The following SEMA6D variants were observed in gnomAD, a reference collection of about 807,000 sequenced individuals.
SEMA6D encodes the protein semaphorin-6D.
In SEMA6D, 35 loss-of-function variants were observed where a neutral mutation model predicts 106.6. The ratio of observed to expected loss-of-function variants is 0.33; its 90% CI spans 0.25 to 0.44. The LOEUF (loss-of-function observed/expected upper bound fraction) is 0.44, where lower values mean the gene tolerates loss of function less well. SEMA6D is among the 20% of genes least tolerant of loss of function. The pLI, the probability that SEMA6D is intolerant of heterozygous loss-of-function variation, is 1.00. For missense variants in SEMA6D, 1,185 were observed against 1,345.9 expected, an observed-to-expected ratio of 0.88 and a Z score of 1.87; for synonymous variants, 499 against 487.7, an observed-to-expected ratio of 1.02 and a Z score of -0.31.
chr15:47,671,316 C>CATATTGTAAA (rs1194099591), intron 4 of SEMA6D, among the ~76,000 whole-genome samples: 2 of 152,118 alleles, frequency 1.3e-5, no homozygotes, highest in Admixed American at 1.3e-4. Flanking sequence ...AAAATGTGGA[C>CATATTGTAAA]ATATTGTAAA....
At chr15:47,688,798 G>A (rs1334759930) in intron 4 of SEMA6D, among the ~76,000 whole-genome samples, 1 of 152,142 alleles carries the variant, frequency 6.6e-6, no homozygotes, top group Non-Finnish European at 1.5e-5. Flanking sequence ...GAAATCTTTG[G>A]TAAGGTCCCT....
At chr15:47,758,222 T>C (rs981513878) in intron 1 of SEMA6D, among the ~76,000 whole-genome samples, 10 of 152,208 alleles carry the variant, frequency 6.6e-5, no homozygotes, top group African/African-American at 2.2e-4. Context: ...ACTTGTACTT[T>C]AGTTAGACAC....
intron 1 of SEMA6D, among the ~76,000 whole-genome samples, chr15:47,370,683 TAAAAAAA>T (rs376454672): frequency 1.1e-5 from 1 of 95,188 alleles, no homozygotes; most frequent in Admixed American, 1.3e-4. Context: ...CGTCTCTACT[TAAAAAAA>T]AAAAAAAAAA....
chr15:47,609,491 G>A (rs866368811), intron 4 of SEMA6D, among the ~76,000 whole-genome samples: 4 of 152,046 alleles, frequency 2.6e-5, no homozygotes, highest in Non-Finnish European at 5.9e-5. Flanking sequence ...GTACGTATTC[G>A]CTTAAGCTGC....
Position 47,766,098 on chromosome 15 carries a change from T to C in SEMA6D, c.1569-7T>C, listed in dbSNP as rs749610788. The C allele has an allele frequency of 6.2e-7, 1 of 1,613,704 alleles. No homozygotes were observed. Among genetic ancestry groups the C allele is most frequent in the Non-Finnish European group, 8.5e-7 (1 of 1,179,714 alleles). On this transcript the variant is annotated splice_polypyrimidine_tract_variant and splice_region_variant and intron_variant, in intron 14 of 18. Transcript: ENST00000536845. Reference sequence around the variant, plus strand: ...ATCCAAGTTACATTCTGTTTGGTTTTACACAGGTCTTGTATTGCATCTCGT... The same window carrying C: ...ATCCAAGTTACATTCTGTTTGGTTTCACACAGGTCTTGTATTGCATCTCGT...
chr15:47,674,133 C>A (rs978821204), intron 4 of SEMA6D, among the ~76,000 whole-genome samples: 1 of 152,112 alleles, frequency 6.6e-6, no homozygotes, highest in Non-Finnish European at 1.5e-5. Flanking sequence ...AGATCAAGTG[C>A]CCCAGACCCC....
At chr15:47,405,015 G>C (rs764436349) in intron 1 of SEMA6D, among the ~76,000 whole-genome samples, 1 of 152,092 alleles carries the variant, frequency 6.6e-6, no homozygotes, top group Non-Finnish European at 1.5e-5. Context: ...GCTTCTTAAA[G>C]AATGAGTAGG....
intron 4 of SEMA6D, among the ~76,000 whole-genome samples, chr15:47,681,814 G>A (rs1337600628): frequency 1.3e-5 from 2 of 152,118 alleles, no homozygotes; most frequent in African/African-American, 4.8e-5. Flanking sequence ...TAGATGTATT[G>A]TTGTTATCGT....
At chr15:47,559,387 C>T (rs564251747) in intron 3 of SEMA6D, among the ~76,000 whole-genome samples, 48 of 152,156 alleles carry the variant, frequency 3.2e-4, no homozygotes, top group African/African-American at 1.1e-3. Flanking sequence ...AAATACTGAG[C>T]TTCAGGTCAG....
intron 1 of SEMA6D, chr15:47,730,540 A>C (rs752167809): frequency 2.1e-5 from 28 of 1,314,864 alleles, no homozygotes; most frequent in Non-Finnish European, 3.1e-5. Flanking sequence ...CTCGAAGGAC[A>C]GGTGGTCTCT....
At chr15:47,251,954 C>T (rs1473461367) in intron 1 of SEMA6D, among the ~76,000 whole-genome samples, 1 of 109,452 alleles carries the variant, frequency 9.1e-6, no homozygotes, top group Admixed American at 1.3e-4. Flanking sequence ...CTCGCTCTGT[C>T]GCCCAGGCTG....
intron 4 of SEMA6D, among the ~76,000 whole-genome samples, chr15:47,636,451 G>A (rs2144629100): frequency 6.6e-6 from 1 of 152,172 alleles, no homozygotes; most frequent in African/African-American, 2.4e-5. Flanking sequence ...CTGTTTGCAG[G>A]GCTCCACTTT....
At chr15:47,742,831 A>G (rs1295055057) in intron 1 of SEMA6D, among the ~76,000 whole-genome samples, 1 of 151,852 alleles carries the variant, frequency 6.6e-6, no homozygotes, top group Non-Finnish European at 1.5e-5. Context: ...AGGACCCCAC[A>G]CCCTCTGTGT....
chr15:47,770,973 G>A lies in SEMA6D; in HGVS notation c.2410G>A (p.Glu804Lys). The A allele has an allele frequency of 6.2e-7, 1 of 1,614,070 alleles. No homozygotes were observed. Among genetic ancestry groups the A allele is most frequent in the Middle Eastern group, 1.6e-4 (1 of 6,062 alleles). Residue 804 changes from glutamate to lysine, a missense_variant, in exon 19 of 19, where the codon GAA becomes AAA. Glu to Lys is a moderately conservative substitution (Grantham distance 56). Coordinates refer to ENST00000536845, the MANE Select transcript of SEMA6D (RefSeq NM_001358351.3). ...KAHGHGASRK[E>K]TPQFFPSSPP... is the part of the protein sequence containing the mutation. ...CCATGGCCATGGAGCTTCAAGGAAA[G>A]AAACCCCTCAGTTTTTTCCGTCTAG...
rs117291249 is a variant in SEMA6D at position 47,422,447 on chromosome 15, A to T, written c.-159+9975A>T. On this transcript the variant is annotated intron_variant, in intron 2 of 19. Coordinates refer to the SEMA6D transcript ENST00000558014. ...GTATTCCATGTCATTTAAATGGCAAAAAGAAAAAGAGAATATATTCTGCCT... is the reference window on the plus strand; with the variant it reads ...GTATTCCATGTCATTTAAATGGCAATAAGAAAAAGAGAATATATTCTGCCT... Among the ~76,000 whole-genome samples the T allele has an allele frequency of 4.4e-4, 67 of 152,122 alleles. 2 individuals are homozygous for T. The East Asian group carries it at 7.7e-3, about 18-fold the overall frequency.
At position 47,286,305 on chromosome 15, in the gene SEMA6D, AGTTCTCAAACTTTT is replaced by A. The variant is rs149580194; in HGVS notation, c.-239+101889_-239+101902del. Among the ~76,000 whole-genome samples, 949 of 152,288 alleles carry A rather than the reference AGTTCTCAAACTTTT, an allele frequency of 6.2e-3. 16 individuals are homozygous for A. Among genetic ancestry groups the A allele is most frequent in the African/African-American group, 0.022 (903 of 41,564 alleles). On this transcript the variant is annotated intron_variant, in intron 1 of 19. Transcript: ENST00000558014. ...ATGGCTGACTTGAACTGGTCTGGAA[AGTTCTCAAACTTTT>A]GGTCTCAGTACACCTTTACACTCTT...
intron 3 of SEMA6D, among the ~76,000 whole-genome samples, chr15:47,598,606 C>T (rs1335975836): frequency 6.6e-6 from 1 of 152,066 alleles, no homozygotes; most frequent in Admixed American, 6.6e-5. Context: ...TGCATAAAAG[C>T]GTCTTCACCT....
chr15:47,197,790 A>G (rs1894460092), intron 1 of SEMA6D, among the ~76,000 whole-genome samples: 1 of 152,200 alleles, frequency 6.6e-6, no homozygotes, highest in Non-Finnish European at 1.5e-5. Flanking sequence ...CCATGCCGTC[A>G]TTAATTATTG....
chr15:47,323,977 A>G (rs2037026808), intron 1 of SEMA6D, among the ~76,000 whole-genome samples: 1 of 92,952 alleles, frequency 1.1e-5, no homozygotes, highest in Non-Finnish European at 2.1e-5. Context: ...ATTGACATAT[A>G]CAAGTGGCAA....
Sources: allele counts gnomAD v4.1 joint callset (sites outside exome capture counted in the v4.1 genomes callset), GRCh38; gene constraint gnomAD v4.1.1; transcripts MANE v1.5; gene names NCBI Gene and HGNC (gene_info 2026-07-23, HGNC 2026-07-21).